The following DPP6 variants were observed in gnomAD, a reference collection of about 807,000 sequenced individuals.
DPP6 encodes the protein dipeptidyl peptidase like 6.
Under a neutral mutation model 122.6 loss-of-function variants are expected in DPP6, and 69 were observed. The observed-to-expected ratio is 0.56, with a 90% confidence interval of 0.46 to 0.69. DPP6 has a LOEUF of 0.69. Ranked by LOEUF, DPP6 falls within the 30% of genes least tolerant of loss-of-function variation. The pLI, the probability that DPP6 is intolerant of heterozygous loss-of-function variation, is 0.00. For missense variants in DPP6, 928 were observed against 1,116.9 expected, an observed-to-expected ratio of 0.83 and a Z score of 2.41; for synonymous variants, 418 against 433.1, an observed-to-expected ratio of 0.97 and a Z score of 0.43.
the DPP6 span, among the ~76,000 whole-genome samples, chr7:153,802,419 T>C: frequency 1.1e-4 from 17 of 152,340 alleles, no homozygotes; most frequent in Non-Finnish European, 1.9e-4. Context: ...TTACTAAGAC[T>C]TTCACACAGT....
chr7:154,234,043 A>C (rs185675159), intron 1 of DPP6, among the ~76,000 whole-genome samples: 243 of 152,298 alleles, frequency 1.6e-3, no homozygotes, highest in African/African-American at 5.6e-3. Context: ...TACCCTTACT[A>C]TTCAGTCAGC....
At chr7:154,237,152 G>A (rs1029624174) in intron 1 of DPP6, among the ~76,000 whole-genome samples, 2 of 152,228 alleles carry the variant, frequency 1.3e-5, no homozygotes, top group Non-Finnish European at 2.9e-5. Context: ...ATTTCCAACA[G>A]CAGCCAGAGG....
intron 7 of DPP6, among the ~76,000 whole-genome samples, chr7:154,724,818 G>C (rs1398373883): frequency 1.3e-5 from 2 of 152,142 alleles, no homozygotes; most frequent in African/African-American, 4.8e-5. Flanking sequence ...TTTCAGTCTG[G>C]GAAGAGGGAA....
chr7:154,163,517 T>C (rs769413933), intron 1 of DPP6, among the ~76,000 whole-genome samples: 16 of 152,290 alleles, frequency 1.1e-4, no homozygotes, highest in Non-Finnish European at 1.9e-4. Flanking sequence ...CTGAAAAATA[T>C]TTTTAGCCCT....
the DPP6 span, among the ~76,000 whole-genome samples, chr7:153,752,028 G>C: frequency 2.0e-5 from 3 of 152,306 alleles, no homozygotes; most frequent in Admixed American, 2.0e-4. Context: ...TTTTGGATAA[G>C]TTGCTTAACC....
chr7:153,870,504 G>C, the DPP6 span, among the ~76,000 whole-genome samples: 1 of 152,134 alleles, frequency 6.6e-6, no homozygotes, highest in Non-Finnish European at 1.5e-5. Context: ...AGCTCCATCA[G>C]GTCCTTTAAG....
chr7:153,915,195 G>T (rs1371052942), intron 1 of DPP6, among the ~76,000 whole-genome samples: 7 of 152,152 alleles, frequency 4.6e-5, no homozygotes, highest in Admixed American at 4.6e-4. Flanking sequence ...GCCCAACAAA[G>T]AACCTTCTAA....
At chr7:154,784,710 A>G (rs1797234807) in intron 10 of DPP6, among the ~76,000 whole-genome samples, 1 of 152,146 alleles carries the variant, frequency 6.6e-6, no homozygotes, top group Non-Finnish European at 1.5e-5. Context: ...GGAGAGCTCC[A>G]TCTAGGCTCC....
At chr7:154,105,720 G>A (rs1354137527) in intron 1 of DPP6, among the ~76,000 whole-genome samples, 2 of 152,142 alleles carry the variant, frequency 1.3e-5, no homozygotes. Context: ...GAGTTCCCCT[G>A]CACTTGCTGT....
intron 2 of DPP6, among the ~76,000 whole-genome samples, chr7:154,467,625 T>C (rs1012403078): frequency 2.6e-5 from 4 of 152,244 alleles, no homozygotes; most frequent in Non-Finnish European, 4.4e-5. Flanking sequence ...CAGGTAGTTC[T>C]TTACAGCAGT....
chr7:154,209,743 T>C (rs929245916), intron 1 of DPP6, among the ~76,000 whole-genome samples: 3 of 152,136 alleles, frequency 2.0e-5, no homozygotes, highest in Non-Finnish European at 4.4e-5. Context: ...AAAAGCCAGG[T>C]CAGGAATCCA....
chr7:154,878,407 C>A (rs993564657), intron 20 of DPP6, among the ~76,000 whole-genome samples: 52 of 152,194 alleles, frequency 3.4e-4, no homozygotes, highest in African/African-American at 1.0e-3. Flanking sequence ...AGCGTGTGGA[C>A]AACGGCAAAG....
At chr7:154,331,431 T>C (rs1413447967) in intron 1 of DPP6, among the ~76,000 whole-genome samples, 2 of 151,928 alleles carry the variant, frequency 1.3e-5, no homozygotes, top group African/African-American at 2.4e-5. Context: ...ACCAGGAGAG[T>C]GTAGACAGGA....
chr7:154,631,981 A>G (rs997006760), intron 5 of DPP6, among the ~76,000 whole-genome samples: 1 of 152,198 alleles, frequency 6.6e-6, no homozygotes, highest in African/African-American at 2.4e-5. Flanking sequence ...CTGAGCCACA[A>G]TAGGCTCTGA....
At position 154,719,127 on chromosome 7, in the gene DPP6, T is replaced by C. The variant is rs190934779; in HGVS notation, c.763-8640T>C. On this transcript the variant is annotated intron_variant, in intron 7 of 25. Transcript: ENST00000377770. ...AGAGTGGTAGCCTTCTCCCATCGCT[T>C]ATGACTCCTTCTCTCTTGTTCTTCA... 1.7e-4 allele frequency among the ~76,000 whole-genome samples: 26 copies of C among 149,768 alleles called. 1 individual carries two copies.
intron 16 of DPP6, among the ~76,000 whole-genome samples, chr7:154,824,723 A>T (rs1800029270): frequency 6.6e-6 from 1 of 152,250 alleles, no homozygotes; most frequent in Non-Finnish European, 1.5e-5. Flanking sequence ...GAGGAGGAAA[A>T]AGATGAGAGA....
At chr7:154,887,322 G>A (rs1806227893) in intron 22 of DPP6, among the ~76,000 whole-genome samples, 1 of 152,180 alleles carries the variant, frequency 6.6e-6, no homozygotes, top group African/African-American at 2.4e-5. Context: ...ATGGAAATGT[G>A]CTCTCTTACC....
At chr7:154,707,441 G>C (rs1291005178) in intron 7 of DPP6, among the ~76,000 whole-genome samples, 1 of 152,090 alleles carries the variant, frequency 6.6e-6, no homozygotes. Flanking sequence ...CTGGATTTTA[G>C]GCTGATGGGT....
chr7:154,849,113 CT>C (rs1181359264), intron 16 of DPP6, among the ~76,000 whole-genome samples: 1 of 151,722 alleles, frequency 6.6e-6, no homozygotes, highest in African/African-American at 2.4e-5. Context: ...CTGTTTTATT[CT>C]TTTTGAACAA....
Sources: allele counts gnomAD v4.1 joint callset (sites outside exome capture counted in the v4.1 genomes callset), GRCh38; gene constraint gnomAD v4.1.1; transcripts MANE v1.5; gene names NCBI Gene and HGNC (gene_info 2026-07-23, HGNC 2026-07-21).